Variants in MAST4 observed in about 807,000 individuals in gnomAD.
The protein encoded by MAST4 is microtubule-associated serine/threonine-protein kinase 4.
Under a neutral mutation model 162.7 loss-of-function variants are expected in MAST4, and 89 were observed. The ratio of observed to expected loss-of-function variants is 0.55; its 90% confidence interval spans 0.46 to 0.65. The LOEUF is 0.65. MAST4 is among the 30% of genes least tolerant of loss of function. The pLI, the probability that MAST4 is intolerant of heterozygous loss-of-function variation, is 0.00. For missense variants in MAST4, 3,153 were observed against 3,374.0 expected, an observed-to-expected ratio of 0.93 and a Z score of 1.62; for synonymous variants, 1,479 against 1,361.1, an observed-to-expected ratio of 1.09 and a Z score of -1.91.
intron 3 of MAST4, chr5:66,792,493 G>A (rs556967552): frequency 1.3e-5 from 2 of 159,922 alleles, no homozygotes; most frequent in Admixed American, 1.3e-4. Flanking sequence ...CACATAGAAA[G>A]CATTCAGTAA....
chr5:66,872,858 T>C (rs1238906594), intron 3 of MAST4, among the ~76,000 whole-genome samples: 3 of 152,202 alleles, frequency 2.0e-5, no homozygotes, highest in Admixed American at 2.0e-4. Context: ...TGATCAGTGG[T>C]GTTTTAAGGA....
intron 18 of MAST4, among the ~76,000 whole-genome samples, chr5:67,135,287 C>A (rs572987218): frequency 1.3e-5 from 2 of 152,238 alleles, no homozygotes; most frequent in East Asian, 1.9e-4. Context: ...TAGATCTTAA[C>A]CTGCAAGCTG....
At chr5:66,665,536 A>G (rs1049088464) in intron 1 of MAST4, among the ~76,000 whole-genome samples, 1 of 152,194 alleles carries the variant, frequency 6.6e-6, no homozygotes, top group Non-Finnish European at 1.5e-5. Flanking sequence ...AACATATTTA[A>G]TAGCAACATC....
In MAST4 at chr5:67,078,919, T is replaced by TATATATATA. The variant is rs1554093912; in HGVS notation, c.764-11242_764-11234dup. 1.2e-3 allele frequency among the ~76,000 whole-genome samples: 80 copies of TATATATATA among 65,864 alleles called. 2 individuals carry two copies. Among genetic ancestry groups the TATATATATA allele is most frequent in the African/African-American group, 1.5e-3 (19 of 12,376 alleles). The allele number at this position is 65,864 out of a possible 152,430, so 43.2% of individuals were successfully genotyped here. On this transcript the variant is annotated intron_variant, in intron 5 of 28. Coordinates refer to ENST00000403625, the MANE Select transcript of MAST4 (RefSeq NM_001164664.2). ...TTATATATTTTTATATAAATATATA[T>TATATATATA]ATATATATATATATATATATATATA...
intron 3 of MAST4, chr5:66,792,184 A>G (rs1755443746): frequency 6.0e-6 from 1 of 167,602 alleles, no homozygotes; most frequent in South Asian, 2.1e-4. Flanking sequence ...TCTTCTCTTC[A>G]GCTTTCTCTT....
intron 4 of MAST4, among the ~76,000 whole-genome samples, chr5:66,991,867 A>T (rs1216403582): frequency 6.6e-6 from 1 of 152,214 alleles, no homozygotes; most frequent in East Asian, 1.9e-4. Context: ...CCCTCACCAG[A>T]GACAGCCTGG....
chr5:66,932,851 A>G (rs535732626), intron 4 of MAST4, among the ~76,000 whole-genome samples: 2 of 152,302 alleles, frequency 1.3e-5, no homozygotes, highest in African/African-American at 4.8e-5. Context: ...TAGCAATTAA[A>G]TCTTTTTATT....
rs1221194609 is a variant in MAST4 at position 67,080,998 on chromosome 5, TATATA to T, written c.764-9153_764-9149del. On this transcript the variant is annotated intron_variant, in intron 5 of 28. Transcript: ENST00000403625. ...ATATAATATATATAATTGTATATAT[TATATA>T]ATATAATATATAATTGTATATATTA... Among the ~76,000 whole-genome samples the T allele has an allele frequency of 2.6e-4, 34 of 131,600 alleles. 2 individuals are homozygous for T. The highest frequency in any genetic ancestry group is 4.5e-4 in the Non-Finnish European group (29 of 65,088). 86.3% of individuals were successfully genotyped at this position (131,600 alleles called of 152,430 possible).
chr5:67,004,313 A>G (rs1238040224), intron 4 of MAST4, among the ~76,000 whole-genome samples: 1 of 152,188 alleles, frequency 6.6e-6, no homozygotes, highest in Non-Finnish European at 1.5e-5. Flanking sequence ...CAAGCTGTCC[A>G]GGGACAAGGC....
In MAST4 at chr5:66,780,838, G is replaced by A. The variant is rs890118256; in HGVS notation, c.518-7832G>A. The stretch of plus-strand genomic sequence containing the variant: ...GCATTTTTACAGAGTGCGGATTGGC[G>A]CATTTACAATCCTTTAGCTAGACAC... On this transcript the variant is annotated intron_variant, in intron 2 of 28. Coordinates refer to ENST00000403625, the MANE Select transcript of MAST4 (RefSeq NM_001164664.2). Among the ~76,000 whole-genome samples the A allele has an allele frequency of 7.2e-5, 11 of 152,080 alleles. No homozygotes were observed. The South Asian group carries it at 8.3e-4, about 11-fold the overall frequency.
intron 5 of MAST4, among the ~76,000 whole-genome samples, chr5:67,063,437 A>G (rs1442049279): frequency 6.6e-6 from 1 of 152,194 alleles, no homozygotes; most frequent in Non-Finnish European, 1.5e-5. Flanking sequence ...ATGTTGATGT[A>G]TAATCTATTC....
intron 4 of MAST4, among the ~76,000 whole-genome samples, chr5:66,926,656 ATATATG>A: frequency 6.6e-6 from 1 of 151,966 alleles, no homozygotes; most frequent in South Asian, 2.1e-4. Flanking sequence ...GTATATGTAT[ATATATG>A]TGTGTGTGTA....
chr5:66,691,158 A>G (rs1469663958), intron 1 of MAST4, among the ~76,000 whole-genome samples: 1 of 152,128 alleles, frequency 6.6e-6, no homozygotes, highest in Non-Finnish European at 1.5e-5. Flanking sequence ...ATTAGACTAG[A>G]TCGGTTTTCT....
intron 1 of MAST4, among the ~76,000 whole-genome samples, chr5:66,684,227 C>T (rs1748498532): frequency 6.6e-6 from 1 of 152,118 alleles, no homozygotes; most frequent in Non-Finnish European, 1.5e-5. Context: ...TCTAACTGGC[C>T]CTCTCCCTGC....
chr5:67,149,273 C>G, intron 23 of MAST4, 116 bp from the exon 24 acceptor site: 3 of 857,016 alleles, frequency 3.5e-6, no homozygotes, highest in Non-Finnish European at 1.9e-6. Flanking sequence ...GACTTACTGG[C>G]CACATAGGAG....
chr5:66,621,608 A>C (rs575959321), intron 1 of MAST4, among the ~76,000 whole-genome samples: 1 of 152,322 alleles, frequency 6.6e-6, no homozygotes, highest in South Asian at 2.1e-4. Flanking sequence ...TTTCACAATA[A>C]AAATGGTTAA....
At chr5:66,616,104 A>T (rs1743660704) in intron 1 of MAST4, among the ~76,000 whole-genome samples, 1 of 152,190 alleles carries the variant, frequency 6.6e-6, no homozygotes, top group Non-Finnish European at 1.5e-5. Flanking sequence ...AAATAAATGC[A>T]CAGAGGAAAA....
chr5:66,692,984 ATTTT>A (rs10711722), intron 1 of MAST4, among the ~76,000 whole-genome samples: 11 of 133,144 alleles, frequency 8.3e-5, no homozygotes, highest in Non-Finnish European at 8.1e-5. Context: ...TAAAGTTTGT[ATTTT>A]TTTTTTTTTT....
At chr5:66,916,397 ATGTT>A (rs1764123611) in intron 4 of MAST4, among the ~76,000 whole-genome samples, 1 of 152,238 alleles carries the variant, frequency 6.6e-6, no homozygotes, top group Admixed American at 6.5e-5. Flanking sequence ...TAGGCAAAGA[ATGTT>A]TGTTCATTTG....
Sources: allele counts gnomAD v4.1 joint callset (sites outside exome capture counted in the v4.1 genomes callset), GRCh38; gene constraint gnomAD v4.1.1; transcripts MANE v1.5; gene names NCBI Gene and HGNC (gene_info 2026-07-23, HGNC 2026-07-21).